Variants in TNNT1 observed in about 807,000 individuals in gnomAD.
TNNT1 encodes troponin T1, slow skeletal type.
In TNNT1, 53 loss-of-function variants were observed where a neutral mutation model predicts 50.6. The ratio of observed to expected loss-of-function variants is 1.05; its 90% CI spans 0.84 to 1.32. TNNT1 has a LOEUF of 1.32. TNNT1 is among the 40% of genes most tolerant of loss of function. TNNT1 has a pLI of 0.00. For missense variants in TNNT1, 348 were observed against 381.7 expected (o/e 0.91, Z 0.74); for synonymous variants, 142 against 138.0 (o/e 1.03, Z -0.20).
intron 6 of TNNT1, among the ~76,000 whole-genome samples, chr19:55,142,561 T>C (rs79828785): frequency 1.3e-5 from 2 of 149,804 alleles, no homozygotes; most frequent in Admixed American, 6.6e-5. Flanking sequence ...TTTTTTTTTT[T>C]TGAGACAGAG....
At chr19:55,138,504 C>T (rs1269803990) in intron 9 of TNNT1, among the ~76,000 whole-genome samples, 1 of 152,238 alleles carries the variant, frequency 6.6e-6, no homozygotes, top group Non-Finnish European at 1.5e-5. Context: ...TCTCAAACTA[C>T]TGACCTCAAG....
At chr19:55,141,809 C>T (rs1391586311) in intron 7 of TNNT1, 48 bp downstream of exon 7, 1 of 1,604,844 alleles carries the variant, frequency 6.2e-7, no homozygotes, top group South Asian at 1.1e-5. Flanking sequence ...CACAAAGGCC[C>T]CTTAAAGACT....
chr19:55,146,310 GC>G, intron 5 of TNNT1, 123 bp downstream of exon 5: 1 of 596,096 alleles, frequency 1.7e-6, no homozygotes, highest in East Asian at 3.4e-5. Context: ...AAAGGACCGG[GC>G]CTGGGGGCGG....
chr19:55,139,172 G>A (rs953674155), intron 9 of TNNT1, among the ~76,000 whole-genome samples: 1 of 152,080 alleles, frequency 6.6e-6, no homozygotes. Context: ...GCTAATTTTT[G>A]TATTTTTAGT....
chr19:55,142,119 G>A (rs2147257505), intron 6 of TNNT1, 199 bp from the exon 7 acceptor site: 1 of 577,982 alleles, frequency 1.7e-6, no homozygotes, highest in East Asian at 3.0e-5. Flanking sequence ...TTTGGTTGTT[G>A]TTGGTTTTGT....
intron 12 of TNNT1, 39 bp downstream of exon 12, chr19:55,134,022 AGCCCT>A: frequency 6.5e-7 from 1 of 1,539,372 alleles, no homozygotes; most frequent in South Asian, 1.1e-5. Flanking sequence ...CTCCCAGCCC[AGCCCT>A]GCCCTCTCTC....
chr19:55,139,804 T>A (rs1265240267), intron 9 of TNNT1, among the ~76,000 whole-genome samples: 1 of 148,956 alleles, frequency 6.7e-6, no homozygotes, highest in South Asian at 2.1e-4. Flanking sequence ...CTATCTCAAA[T>A]AAAAAAAAAT....
intron 9 of TNNT1, 188 bp downstream of exon 9, chr19:55,140,695 T>C (rs995004470): frequency 2.5e-5 from 7 of 274,798 alleles, no homozygotes. Context: ...AAGATTCGCT[T>C]GAACCTGGAA....
chr19:55,145,851 C>T (rs1366673006), intron 5 of TNNT1, among the ~76,000 whole-genome samples: 1 of 152,038 alleles, frequency 6.6e-6, no homozygotes, highest in Non-Finnish European at 1.5e-5. Context: ...TGCAAACCCC[C>T]AGACCTTTCT....
intron 10 of TNNT1, among the ~76,000 whole-genome samples, chr19:55,137,672 G>A (rs1203726213): frequency 1.6e-5 from 2 of 128,722 alleles, no homozygotes; most frequent in Admixed American, 1.7e-4. Context: ...CTCGCATTAG[G>A]AACCAGAAGT....
chr19:55,145,166 G>C (rs2085525318), intron 6 of TNNT1, among the ~76,000 whole-genome samples: 1 of 150,500 alleles, frequency 6.6e-6, no homozygotes, highest in Non-Finnish European at 1.5e-5. Context: ...AGGTGTGGTG[G>C]CACATGCCTG....
intron 13 of TNNT1, chr19:55,133,605 G>A (rs972241432): frequency 7.7e-6 from 4 of 517,558 alleles, no homozygotes; most frequent in African/African-American, 7.7e-5. Flanking sequence ...TTGAACCCGG[G>A]AGATGGAAGT....
chr19:55,147,269 T>TGGAGGAGCTG (rs1286798909), intron 1 of TNNT1, 101 bp from the exon 2 acceptor site: 1 of 1,138,466 alleles, frequency 8.8e-7, no homozygotes, highest in African/African-American at 1.7e-5. Context: ...CCTGGACTCC[T>TGGAGGAGCTG]GGGTCTGGAC....
At chr19:55,149,122 T>G (rs749794336) in intron 1 of TNNT1, 39 bp downstream of exon 1, 11 of 455,976 alleles carry the variant, frequency 2.4e-5, no homozygotes, top group South Asian at 1.5e-4. Flanking sequence ...CCCAAGGACA[T>G]GGTTTTTGAA....
At chr19:55,149,109 T>G in intron 1 of TNNT1, 52 bp downstream of exon 1, 2 of 454,676 alleles carry the variant, frequency 4.4e-6, no homozygotes, top group South Asian at 3.1e-5. Context: ...TCCTGCCCCC[T>G]CCCCCAAGGA....
rs766147911 is a variant in TNNT1, at chr19:55,134,185, G to T, written c.631C>A (p.Pro211Thr). The T allele has an allele frequency of 8.9e-6, 14 of 1,581,872 alleles. No homozygotes were observed. Among genetic ancestry groups the T allele is most frequent in the South Asian group, 6.9e-5 (6 of 86,750 alleles). The stretch of plus-strand genomic sequence containing the variant: ...GCAGGGCAGGAGGGCTGTGATGGAG[G>T]CAGCCAGGCAGACCGGGCCCTAGGC... Reference protein sequence around the residue: ...EQLRARSAWLPPSQPSCPARE... With the variant: ...EQLRARSAWLTPSQPSCPARE... The change falls in exon 12 of 14, where the codon CCT (proline) becomes ACT (threonine). Residue 211 changes from proline (P) to threonine (T), a missense_variant. Physicochemically the swap from Pro to Thr is conservative, Grantham distance 38. Around this residue, in one of 3 missense-constraint regions of TNNT1, gnomAD observed 253 missense variants for 291.8 expected, o/e 0.87. Transcript: ENST00000588981.
intron 9 of TNNT1, 95 bp downstream of exon 9, chr19:55,140,788 A>ATAATAG: frequency 3.7e-6 from 3 of 801,738 alleles, no homozygotes; most frequent in African/African-American, 2.1e-5. Flanking sequence ...AAGAATAATA[A>ATAATAG]TAATAGTAAT....
intron 12 of TNNT1, 54 bp downstream of exon 12, chr19:55,134,012 C>G: frequency 6.2e-7 from 1 of 1,612,152 alleles, no homozygotes; most frequent in East Asian, 2.2e-5. Context: ...TTGCTGGTCC[C>G]TCCCAGCCCA....
intron 7 of TNNT1, 145 bp downstream of exon 7, chr19:55,141,712 G>C (rs2085459231): frequency 2.3e-6 from 2 of 881,284 alleles, no homozygotes; most frequent in Non-Finnish European, 3.8e-6. Context: ...TCGAACTCCT[G>C]ACCTCAGGTG....
Sources: allele counts gnomAD v4.1 joint callset (sites outside exome capture counted in the v4.1 genomes callset), GRCh38; gene constraint gnomAD v4.1.1; regional missense constraint gnomAD v4.1.1; transcripts MANE v1.5; gene names NCBI Gene and HGNC (gene_info 2026-07-23, HGNC 2026-07-21).